The following RIPOR2 variants were observed in gnomAD, a reference collection of about 807,000 sequenced individuals.
The protein encoded by RIPOR2 is rho family-interacting cell polarization regulator 2.
A neutral mutation model predicts 114.5 loss-of-function variants in RIPOR2; 39 were observed. The observed-to-expected ratio is 0.34, with a 90% CI of 0.26 to 0.44. RIPOR2 has a LOEUF of 0.44. Ranked by LOEUF, RIPOR2 falls within the 20% of genes least tolerant of loss-of-function variation. The pLI is 1.00. For missense variants in RIPOR2, 1,007 were observed against 1,255.1 expected, an observed-to-expected ratio of 0.80 and a Z score of 2.99; for synonymous variants, 445 against 484.4, an observed-to-expected ratio of 0.92 and a Z score of 1.07.
At chr6:24,825,536 T>G in intron 18 of RIPOR2, 108 bp from the exon 19 acceptor site, 1 of 736,986 alleles carries the variant, frequency 1.4e-6, no homozygotes, top group Non-Finnish European at 2.2e-6. Context: ...GTATAGTAAC[T>G]CCAATACATA....
intron 1 of RIPOR2, among the ~76,000 whole-genome samples, chr6:24,972,390 C>T (rs760260160): frequency 5.9e-5 from 9 of 152,222 alleles, no homozygotes; most frequent in Non-Finnish European, 1.3e-4. Flanking sequence ...GTTCACATCC[C>T]TCATCTCAGG....
intron 1 of RIPOR2, among the ~76,000 whole-genome samples, chr6:24,967,909 CTT>C (rs35997558): frequency 0.35 from 43,525 of 123,528 alleles, 7,338 homozygotes; most frequent in South Asian, 0.42. Flanking sequence ...AGATCTCAAT[CTT>C]TTTTTTTTTT....
intron 1 of RIPOR2, among the ~76,000 whole-genome samples, chr6:24,905,721 A>C (rs1185505984): frequency 6.6e-6 from 1 of 152,228 alleles, no homozygotes. Context: ...GAGCTCCAGG[A>C]AACTGTCACT....
At chr6:25,022,236 C>G (rs79535862) in intron 1 of RIPOR2, among the ~76,000 whole-genome samples, 1 of 152,186 alleles carries the variant, frequency 6.6e-6, no homozygotes, top group South Asian at 2.1e-4. Flanking sequence ...TAGTCAACCT[C>G]TCTAACCAGC....
chr6:25,024,137 G>A, intron 1 of RIPOR2: 1 of 937,624 alleles, frequency 1.1e-6, no homozygotes, highest in South Asian at 1.3e-5. Context: ...CCTTACCGGT[G>A]GCGCCGCGGG....
chr6:25,002,987 C>A (rs139891932), intron 1 of RIPOR2, among the ~76,000 whole-genome samples: 2 of 152,246 alleles, frequency 1.3e-5, no homozygotes, highest in East Asian at 1.9e-4. Flanking sequence ...GCAGCTCCTG[C>A]GAATATTTCT....
In RIPOR2 at chr6:24,852,329, A is replaced by T. The variant is rs536748205; in HGVS notation, c.759+246T>A. ...AATGGTTCAGCAAAATAATAGTAAC[A>T]ATGACAGCAATAATGATGATGATGA... On this transcript the variant is annotated intron_variant, in intron 9 of 21. Transcript: ENST00000643898. Among the ~76,000 whole-genome samples, 4 of 152,280 alleles carry T rather than the reference A, an allele frequency of 2.6e-5. No homozygotes were observed. The South Asian group carries it at 6.2e-4, about 24-fold the overall frequency.
chr6:24,935,725 T>C (rs1295872547), intron 1 of RIPOR2, 113 bp downstream of exon 1: 22 of 743,058 alleles, frequency 3.0e-5, no homozygotes, highest in Non-Finnish European at 4.7e-5. Flanking sequence ...GGATGCTTTG[T>C]TTTTATCATT....
intron 8 of RIPOR2, among the ~76,000 whole-genome samples, chr6:24,853,668 G>A (rs1763171885): frequency 6.6e-6 from 1 of 152,208 alleles, no homozygotes; most frequent in Non-Finnish European, 1.5e-5. Flanking sequence ...TAGGGTAACA[G>A]TGTCCACTTC....
chr6:25,020,471 A>G (rs1216487465), intron 1 of RIPOR2, among the ~76,000 whole-genome samples: 1 of 152,248 alleles, frequency 6.6e-6, no homozygotes, highest in Non-Finnish European at 1.5e-5. Flanking sequence ...TCAATGTGAT[A>G]TTCATCTTGA....
chr6:24,988,465 C>T (rs1314610675), intron 1 of RIPOR2, among the ~76,000 whole-genome samples: 3 of 152,190 alleles, frequency 2.0e-5, no homozygotes, highest in East Asian at 1.9e-4. Context: ...TGAGCCACCA[C>T]GCCCAGCTAT....
At chr6:24,832,137 C>A in intron 16 of RIPOR2, 119 bp downstream of exon 16, 1 of 1,029,420 alleles carries the variant, frequency 9.7e-7, no homozygotes, top group Non-Finnish European at 1.4e-6. Flanking sequence ...CTTTCTCAAT[C>A]CTGTGACCTA....
rs56329568 is a variant in RIPOR2, at chr6:24,869,316, AT to A, written c.448-170del. Reference sequence around the variant, plus strand: ...TAGAGATTCTCTAATACCAATTTGGATTTTTTTTTTTTTTTTTTGAGATGAA... The same window carrying A: ...TAGAGATTCTCTAATACCAATTTGGATTTTTTTTTTTTTTTTTGAGATGAA... On this transcript the variant is annotated intron_variant, in intron 5 of 21. Coordinates refer to ENST00000643898, the MANE Select transcript of RIPOR2 (RefSeq NM_001286445.3). Among the ~76,000 whole-genome samples the A allele has an allele frequency of 0.32, 43,012 of 134,522 alleles. 5,758 individuals are homozygous for A. The highest frequency in any genetic ancestry group is 0.36 in the South Asian group (1,503 of 4,176). The allele number at this position is 134,522 out of a possible 152,430, so 88.3% of individuals were successfully genotyped here. A position where few individuals can be genotyped will look rare whatever the true frequency, so the allele number is the denominator to read the frequency against.
chr6:25,035,851 C>G (rs190198009), intron 1 of RIPOR2, among the ~76,000 whole-genome samples: 3 of 152,268 alleles, frequency 2.0e-5, no homozygotes, highest in Non-Finnish European at 2.9e-5. Context: ...CCCTCTGTCT[C>G]CCTGAGATCT....
rs74362625 is a variant in RIPOR2 at position 24,868,846 on chromosome 6, C to T, written c.501+248G>A. ...TACACTGAGGCTGGAAGTAACTGTG[C>T]CTGTTACTTAGCACTTAATAAATGT... On this transcript the variant is annotated intron_variant, in intron 6 of 21. Coordinates refer to ENST00000643898, the MANE Select transcript of RIPOR2 (RefSeq NM_001286445.3). Among the ~76,000 whole-genome samples, 374 of 152,300 alleles carry T rather than the reference C, an allele frequency of 2.5e-3. 4 individuals are homozygous for T. In the South Asian group the frequency reaches 0.025, roughly 10 times the overall value.
intron 1 of RIPOR2, among the ~76,000 whole-genome samples, chr6:24,987,133 G>A (rs1774565240): frequency 6.6e-6 from 1 of 152,170 alleles, no homozygotes; most frequent in Non-Finnish European, 1.5e-5. Context: ...GAATATAACT[G>A]GCTGATAGTG....
At chr6:24,871,428 C>T (rs1240397507) in intron 4 of RIPOR2, among the ~76,000 whole-genome samples, 5 of 152,174 alleles carry the variant, frequency 3.3e-5, no homozygotes, top group East Asian at 1.9e-4. Flanking sequence ...CTCGGCTCAC[C>T]GCAACTTCCT....
At chr6:24,970,472 T>G (rs1773732459) in intron 1 of RIPOR2, among the ~76,000 whole-genome samples, 1 of 152,186 alleles carries the variant, frequency 6.6e-6, no homozygotes, top group East Asian at 1.9e-4. Flanking sequence ...AAGGGACTTT[T>G]CAAATTCAAA....
chr6:25,000,405 C>G (rs1001074178), intron 1 of RIPOR2, among the ~76,000 whole-genome samples: 1 of 152,256 alleles, frequency 6.6e-6, no homozygotes, highest in East Asian at 1.9e-4. Flanking sequence ...ATCCTGTGCA[C>G]TGTTGTATCT....
Sources: allele counts gnomAD v4.1 joint callset (sites outside exome capture counted in the v4.1 genomes callset), GRCh38; gene constraint gnomAD v4.1.1; transcripts MANE v1.5; gene names NCBI Gene and HGNC (gene_info 2026-07-23, HGNC 2026-07-21).